The following OR3A2 variants were observed in gnomAD, a reference collection of about 807,000 sequenced individuals.
OR3A2 encodes the protein olfactory receptor family 3 subfamily A member 2.
For missense variants in OR3A2, 318 were observed against 392.8 expected, an observed-to-expected ratio of 0.81 and a Z score of 1.61; for synonymous variants, 126 against 159.3, an observed-to-expected ratio of 0.79 and a Z score of 1.57.
chr17:3,327,641 T>A (rs1469272001), intron 3 of OR3A2, among the ~76,000 whole-genome samples: 1 of 115,996 alleles, frequency 8.6e-6, no homozygotes, highest in Non-Finnish European at 1.7e-5. Context: ...CATGCCTATG[T>A]CCTGAATGGT....
intron 2 of OR3A2, among the ~76,000 whole-genome samples, chr17:3,352,236 G>C (rs1296570728): frequency 4.6e-5 from 7 of 150,706 alleles, no homozygotes; most frequent in Non-Finnish European, 1.0e-4. Context: ...TTCCTCTGCT[G>C]TGTAGAAGCT....
intron 2 of OR3A2, among the ~76,000 whole-genome samples, chr17:3,376,469 T>C (rs1173543666): frequency 5.0e-4 from 5 of 9,992 alleles, no homozygotes; most frequent in Non-Finnish European, 8.8e-4. Flanking sequence ...CTGCAGCCAC[T>C]GTGGGGGACG....
chr17:3,331,357 C>A (rs902360733), intron 3 of OR3A2, among the ~76,000 whole-genome samples: 119 of 152,176 alleles, frequency 7.8e-4, no homozygotes, highest in African/African-American at 1.4e-3. Context: ...TACACCAATC[C>A]GACGTAGATT....
At chr17:3,319,388 T>C (rs944724761) in intron 3 of OR3A2, among the ~76,000 whole-genome samples, 3 of 152,150 alleles carry the variant, frequency 2.0e-5, no homozygotes, top group Admixed American at 1.3e-4. Flanking sequence ...TAAATTTTAT[T>C]ATTATACTTT....
In OR3A2 at chr17:3,340,813, A is replaced by G. The variant is rs550637231; in HGVS notation, c.-178-4687T>C. Among the ~76,000 whole-genome samples, 401 of 152,100 alleles carry G rather than the reference A, an allele frequency of 2.6e-3. 1 individual carries two copies. Among genetic ancestry groups the G allele is most frequent in the Middle Eastern group, 0.017 (5 of 294 alleles). On this transcript the variant is annotated intron_variant, in intron 2 of 4. Transcript: ENST00000573491. ...GTGCAGAGCTGAGTTCAATTCCTGG[A>G]TATCCTTGTTAACCTTCTGTCTTGT... is the stretch of plus-strand genomic sequence containing the variant.
chr17:3,343,325 C>A (rs2150648870), intron 2 of OR3A2, among the ~76,000 whole-genome samples: 1 of 152,290 alleles, frequency 6.6e-6, no homozygotes, highest in East Asian at 1.9e-4. Context: ...GCAGAAATCA[C>A]CCATCTTCTG....
chr17:3,307,071 G>T (rs968444315), intron 3 of OR3A2, among the ~76,000 whole-genome samples: 6 of 152,200 alleles, frequency 3.9e-5, no homozygotes, highest in Non-Finnish European at 8.8e-5. Context: ...AGGCATTAGG[G>T]TCAACAACTT....
intron 2 of OR3A2, among the ~76,000 whole-genome samples, chr17:3,360,618 T>G (rs2049505120): frequency 6.6e-6 from 1 of 151,782 alleles, no homozygotes; most frequent in South Asian, 2.1e-4. Flanking sequence ...AGGGATCCAG[T>G]TTCAGCTTTC....
intron 3 of OR3A2, among the ~76,000 whole-genome samples, chr17:3,316,788 A>G (rs1424357282): frequency 6.6e-6 from 1 of 152,196 alleles, no homozygotes; most frequent in Non-Finnish European, 1.5e-5. Flanking sequence ...TCAAAACTAA[A>G]CAGAGTGATA....
rs548123381 is a variant in OR3A2 at position 3,300,745 on chromosome 17, G to T, written c.-84-21592C>A. On this transcript the variant is annotated intron_variant, in intron 3 of 4. Coordinates refer to the OR3A2 transcript ENST00000573491. ...CTAGGGTACATGTGCACAATGTGCAGGTTTGTTACATATGTATACATGTGC... is the reference window on the plus strand; with the variant it reads ...CTAGGGTACATGTGCACAATGTGCATGTTTGTTACATATGTATACATGTGC... Among the ~76,000 whole-genome samples the T allele has an allele frequency of 9.2e-5, 14 of 151,862 alleles. No homozygotes were observed. In the East Asian group the frequency reaches 2.7e-3, roughly 29 times the overall value.
At chr17:3,279,647 G>T (rs951852000) in intron 1 of OR3A2, among the ~76,000 whole-genome samples, 1 of 152,110 alleles carries the variant, frequency 6.6e-6, no homozygotes, top group Admixed American at 6.5e-5. Context: ...AATTAGCTTC[G>T]TGTGGTGGGG....
At chr17:3,280,800 G>A (rs973287235) in intron 1 of OR3A2, among the ~76,000 whole-genome samples, 2 of 152,222 alleles carry the variant, frequency 1.3e-5, no homozygotes, top group African/African-American at 2.4e-5. Context: ...AATCAGAAAT[G>A]CTGTAGCAGC....
At chr17:3,345,835 C>A (rs902793589) in intron 2 of OR3A2, among the ~76,000 whole-genome samples, 2 of 151,948 alleles carry the variant, frequency 1.3e-5, no homozygotes, top group Non-Finnish European at 2.9e-5. Context: ...GAATAAAGTA[C>A]CCACATTCAA....
chr17:3,383,102 T>A (rs2049752114), intron 2 of OR3A2, among the ~76,000 whole-genome samples: 1 of 152,156 alleles, frequency 6.6e-6, no homozygotes, highest in Non-Finnish European at 1.5e-5. Flanking sequence ...TCTAAGGTAC[T>A]AGGGGTGTTT....
At chr17:3,357,472 A>C (rs910387407) in intron 2 of OR3A2, among the ~76,000 whole-genome samples, 6 of 151,634 alleles carry the variant, frequency 4.0e-5, no homozygotes, top group Non-Finnish European at 8.8e-5. Context: ...AGAGACATAT[A>C]ATGTATAATT....
rs2676604 is a variant in OR3A2 at position 3,292,678 on chromosome 17, C to T, written c.-84-13525G>A. The T allele has an allele frequency of 1.4e-3, 1,516 of 1,082,198 alleles. 13 individuals are homozygous for T. In the African/African-American group the frequency reaches 0.018, roughly 13 times the overall value. The allele number at this position is 1,082,198 out of a possible 1,614,324, so 67.0% of individuals were successfully genotyped here. On this transcript the variant is annotated intron_variant, in intron 3 of 4. Coordinates refer to the OR3A2 transcript ENST00000573491. ...AGAAACAGACCCCCTTCTACTTGCC[C>T]GGCCCTCTGCCACGTTCCCTCTGTA...
chr17:3,293,748 C>T (rs1451382237), intron 3 of OR3A2, among the ~76,000 whole-genome samples: 1 of 152,132 alleles, frequency 6.6e-6, no homozygotes, highest in East Asian at 1.9e-4. Flanking sequence ...AAATGTGGTA[C>T]ATATACACCA....
intron 3 of OR3A2, chr17:3,291,715 G>A (rs2048869296): frequency 1.2e-6 from 2 of 1,612,790 alleles, no homozygotes; most frequent in Non-Finnish European, 8.5e-7. Flanking sequence ...TAGATGATTG[G>A]GTTCAGCATG....
intron 3 of OR3A2, among the ~76,000 whole-genome samples, chr17:3,333,689 C>T (rs2049257047): frequency 6.6e-6 from 1 of 151,856 alleles, no homozygotes. Flanking sequence ...GGCATGTTCC[C>T]CCAATAAAAG....
Sources: allele counts gnomAD v4.1 joint callset (sites outside exome capture counted in the v4.1 genomes callset), GRCh38; gene constraint gnomAD v4.1.1; transcripts MANE v1.5; gene names NCBI Gene and HGNC (gene_info 2026-07-23, HGNC 2026-07-21).